The following GFOD1 variants were observed in gnomAD, a reference collection of about 807,000 sequenced individuals.
The protein encoded by GFOD1 is glucose-fructose oxidoreductase domain-containing protein 1.
GFOD1 carries 9 observed loss-of-function variants against 25.4 expected under a neutral mutation model. The observed-to-expected ratio is 0.35, with a 90% CI of 0.21 to 0.62. The LOEUF is 0.62. GFOD1 is among the 20% of genes least tolerant of loss of function. The probability of loss-of-function intolerance (pLI) is 0.72; values close to 1 mark genes in which losing one functional copy is unlikely to be tolerated. For missense variants in GFOD1, 403 were observed against 556.9 expected, an observed-to-expected ratio of 0.72 and a Z score of 2.78; for synonymous variants, 253 against 245.6, an observed-to-expected ratio of 1.03 and a Z score of -0.28.
intron 1 of GFOD1, among the ~76,000 whole-genome samples, chr6:13,394,466 ATTTT>A (rs70989855): frequency 1.8e-4 from 14 of 75,916 alleles, no homozygotes; most frequent in East Asian, 4.0e-4. Flanking sequence ...TACCCTTTGA[ATTTT>A]TTTTTTTTTT....
intron 1 of GFOD1, among the ~76,000 whole-genome samples, chr6:13,401,262 G>A (rs560061253): frequency 9.8e-5 from 15 of 152,308 alleles, no homozygotes; most frequent in Non-Finnish European, 1.5e-4. Flanking sequence ...GGCATAAGGC[G>A]TGGGCCTGTT....
At chr6:13,377,642 C>T (rs979907709) in intron 1 of GFOD1, among the ~76,000 whole-genome samples, 4 of 152,188 alleles carry the variant, frequency 2.6e-5, no homozygotes, top group Admixed American at 6.5e-5. Flanking sequence ...TAGGCCCACC[C>T]AGATGATCCC....
At chr6:13,439,947 C>A (rs1328501880) in intron 1 of GFOD1, among the ~76,000 whole-genome samples, 1 of 152,172 alleles carries the variant, frequency 6.6e-6, no homozygotes, top group African/African-American at 2.4e-5. Context: ...AGACTAAGAA[C>A]CACTGCACAA....
At chr6:13,428,723 T>G (rs964332887) in intron 1 of GFOD1, among the ~76,000 whole-genome samples, 1 of 152,154 alleles carries the variant, frequency 6.6e-6, no homozygotes, top group African/African-American at 2.4e-5. Context: ...GCAGGAGTAC[T>G]GCTTTTGATC....
intron 1 of GFOD1, among the ~76,000 whole-genome samples, chr6:13,366,482 C>T (rs1785050076): frequency 6.6e-6 from 1 of 152,150 alleles, no homozygotes; most frequent in African/African-American, 2.4e-5. Context: ...ATTACAGGCG[C>T]CCGCCACCAT....
Position 13,362,070 on chromosome 6 carries a change from C to T in GFOD1, c.*2673G>A, listed in dbSNP as rs1284026436. On this transcript the variant is annotated 3_prime_UTR_variant, in exon 2 of 2. Coordinates refer to ENST00000379287, the MANE Select transcript of GFOD1 (RefSeq NM_018988.4). ...CATTGAATCATTTTGTTTACTTTCC[C>T]TTCATCCTTAATCGGAGCCCTTCAG... The T allele has an allele frequency of 6.6e-6, 1 of 152,124 alleles. No individual in the cohort carries two copies. The highest frequency in any genetic ancestry group is 1.9e-4 in the East Asian group (1 of 5,196). 9.4% of individuals were successfully genotyped at this position (152,124 alleles called of 1,614,324 possible). A position where few individuals can be genotyped will look rare whatever the true frequency, so the allele number is the denominator to read the frequency against.
chr6:13,420,024 C>T (rs1054144325), intron 1 of GFOD1, among the ~76,000 whole-genome samples: 1 of 152,180 alleles, frequency 6.6e-6, no homozygotes, highest in Non-Finnish European at 1.5e-5. Flanking sequence ...GAGCTCCATG[C>T]AGGCAGGACG....
chr6:13,469,665 C>G (rs1758444533), intron 1 of GFOD1: 3 of 1,169,472 alleles, frequency 2.6e-6, no homozygotes, highest in Non-Finnish European at 3.2e-6. Context: ...CTGCAAAGAC[C>G]TACAGTTATC....
intron 1 of GFOD1, among the ~76,000 whole-genome samples, chr6:13,382,945 T>C (rs1343786482): frequency 6.6e-6 from 1 of 152,202 alleles, no homozygotes; most frequent in African/African-American, 2.4e-5. Flanking sequence ...CTGTGTTAGT[T>C]TGCTGAGGAT....
At chr6:13,373,915 C>T (rs1165489160) in intron 1 of GFOD1, among the ~76,000 whole-genome samples, 10 of 152,086 alleles carry the variant, frequency 6.6e-5, no homozygotes, top group South Asian at 2.1e-4. Flanking sequence ...ACTAAATCCC[C>T]GATTTTCAAT....
chr6:13,370,721 GTGTGTA>G (rs1785136111), intron 1 of GFOD1, among the ~76,000 whole-genome samples: 2 of 112,252 alleles, frequency 1.8e-5, no homozygotes, highest in South Asian at 3.1e-4. Flanking sequence ...ATGTGTGTGT[GTGTGTA>G]TGTATGTATG....
intron 1 of GFOD1, among the ~76,000 whole-genome samples, chr6:13,416,803 T>C (rs1389677514): frequency 1.3e-5 from 2 of 152,170 alleles, no homozygotes; most frequent in East Asian, 1.9e-4. Context: ...GGCTAAAAAT[T>C]GTGCATGCAT....
intron 1 of GFOD1, among the ~76,000 whole-genome samples, chr6:13,381,551 G>T (rs1435578246): frequency 1.3e-5 from 2 of 152,322 alleles, no homozygotes; most frequent in Admixed American, 6.5e-5. Flanking sequence ...CCAGGAAAGG[G>T]TTCTGCATGG....
chr6:13,422,253 G>A (rs1020813564), intron 1 of GFOD1, among the ~76,000 whole-genome samples: 1 of 152,182 alleles, frequency 6.6e-6, no homozygotes, highest in Non-Finnish European at 1.5e-5. Context: ...TTGTTGTGTT[G>A]CAAAAACCCC....
intron 1 of GFOD1, among the ~76,000 whole-genome samples, chr6:13,478,782 G>A (rs1758684776): frequency 6.6e-6 from 1 of 152,074 alleles, no homozygotes; most frequent in South Asian, 2.1e-4. Flanking sequence ...GTGTAGAGAG[G>A]GGTGAATGAG....
At chr6:13,469,654 A>G (rs751067867) in intron 1 of GFOD1, 14 of 1,162,062 alleles carry the variant, frequency 1.2e-5, no homozygotes, top group Non-Finnish European at 1.3e-5. Flanking sequence ...CTAAGACACT[A>G]CTGCAAAGAC....
intron 1 of GFOD1, among the ~76,000 whole-genome samples, chr6:13,467,529 A>G (rs760819353): frequency 2.0e-5 from 3 of 152,226 alleles, no homozygotes; most frequent in Admixed American, 1.3e-4. Flanking sequence ...ATTTATACCA[A>G]CACAGGTTTG....
intron 1 of GFOD1, among the ~76,000 whole-genome samples, chr6:13,417,805 T>C (rs6926083): frequency 0.087 from 13,277 of 152,252 alleles, 841 homozygotes; most frequent in African/African-American, 0.17. Flanking sequence ...TCAGTTGCCA[T>C]GTTTTTGTCG....
chr6:13,424,373 G>A (rs951140779), intron 1 of GFOD1, among the ~76,000 whole-genome samples: 2 of 152,216 alleles, frequency 1.3e-5, no homozygotes, highest in Admixed American at 6.5e-5. Context: ...TGGTGACCAC[G>A]GTGATCACAT....
Sources: allele counts gnomAD v4.1 joint callset (sites outside exome capture counted in the v4.1 genomes callset), GRCh38; gene constraint gnomAD v4.1.1; transcripts MANE v1.5; gene names NCBI Gene and HGNC (gene_info 2026-07-23, HGNC 2026-07-21).